ADGRL3: variants seen among roughly 807,000 people sequenced by gnomAD.
The protein encoded by ADGRL3 is adhesion G protein-coupled receptor L3, also known as calcium-independent alpha-latrotoxin receptor 3.
A neutral mutation model predicts 153.5 loss-of-function variants in ADGRL3; 62 were observed. The ratio of observed to expected loss-of-function variants is 0.40; its 90% CI spans 0.33 to 0.50. The LOEUF is 0.50. Ranked by LOEUF, ADGRL3 falls within the 20% of genes least tolerant of loss-of-function variation. The probability of loss-of-function intolerance (pLI) is 0.47; values close to 1 mark genes in which losing one functional copy is unlikely to be tolerated. For missense variants in ADGRL3, 1,641 were observed against 1,859.4 expected (o/e 0.88, Z 2.16); for synonymous variants, 710 against 672.5 (o/e 1.06, Z -0.86).
chr4:61,491,668 G>A (rs1044150332), intron 2 of ADGRL3, among the ~76,000 whole-genome samples: 10 of 151,896 alleles, frequency 6.6e-5, no homozygotes, highest in African/African-American at 2.4e-4. Flanking sequence ...AATATTCCCC[G>A]CTTGATATCC....
chr4:61,297,856 C>T (rs1431998443), intron 1 of ADGRL3, among the ~76,000 whole-genome samples: 1 of 152,104 alleles, frequency 6.6e-6, no homozygotes, highest in Non-Finnish European at 1.5e-5. Flanking sequence ...ATCACCATCA[C>T]CACTGCCACT....
intron 6 of ADGRL3, among the ~76,000 whole-genome samples, chr4:61,710,067 G>T (rs1210833149): frequency 4.6e-5 from 7 of 152,152 alleles, no homozygotes; most frequent in Non-Finnish European, 7.4e-5. Context: ...TTTAACAGAA[G>T]TTACTTTTAT....
chr4:61,960,278 T>C lies in ADGRL3; in HGVS notation c.2805+12002T>C, dbSNP rs539539799. Reference sequence around the variant, plus strand: ...TCCAAGTTCAGTATTAGGAGCAGAGTCCTGAAGGAAGTGAGAGAGTAGGCC... The same window carrying C: ...TCCAAGTTCAGTATTAGGAGCAGAGCCCTGAAGGAAGTGAGAGAGTAGGCC... On this transcript the variant is annotated intron_variant, in intron 17 of 26. Transcript: ENST00000683033. 9.9e-5 allele frequency among the ~76,000 whole-genome samples: 15 copies of C among 152,078 alleles called. No homozygotes were observed. In the South Asian group the frequency reaches 1.9e-3, roughly 19 times the overall value.
intron 6 of ADGRL3, among the ~76,000 whole-genome samples, chr4:61,682,853 G>A (rs1276907838): frequency 6.6e-6 from 1 of 152,012 alleles, no homozygotes. Context: ...ACCATCTATT[G>A]AGTACCTACT....
intron 11 of ADGRL3, among the ~76,000 whole-genome samples, chr4:61,897,298 A>T (rs942428871): frequency 3.3e-5 from 5 of 152,218 alleles, no homozygotes; most frequent in South Asian, 2.1e-4. Flanking sequence ...GGAACTTATT[A>T]AAAAAACCTT....
At chr4:62,010,673 C>T (rs180694539) in intron 21 of ADGRL3, among the ~76,000 whole-genome samples, 4 of 140,836 alleles carry the variant, frequency 2.8e-5, no homozygotes, top group Admixed American at 2.3e-4. Flanking sequence ...GCTATATCTA[C>T]GTAATGAAAA....
chr4:61,304,253 A>C (rs2094688955), intron 1 of ADGRL3, among the ~76,000 whole-genome samples: 1 of 152,174 alleles, frequency 6.6e-6, no homozygotes, highest in African/African-American at 2.4e-5. Context: ...TTTGTAGTGA[A>C]ATGCATTTGA....
chr4:61,249,564 C>G (rs1226863992), intron 1 of ADGRL3, among the ~76,000 whole-genome samples: 1 of 151,642 alleles, frequency 6.6e-6, no homozygotes, highest in Non-Finnish European at 1.5e-5. Flanking sequence ...AGGAAACAAA[C>G]AGAGTGACAA....
At chr4:61,315,274 C>G (rs1342185668) in intron 1 of ADGRL3, among the ~76,000 whole-genome samples, 2 of 152,160 alleles carry the variant, frequency 1.3e-5, no homozygotes, top group East Asian at 3.9e-4. Context: ...CATAGGTCCC[C>G]TTACTTACTT....
Position 61,256,663 on chromosome 4 carries a change from C to G in ADGRL3, c.-240+54898C>G, listed in dbSNP as rs1448962316. ...ACAGAAAGCGCATTTTCACTTTTGC[C>G]TTACGAATGATTCGCTTTATGTTAA... On this transcript the variant is annotated intron_variant, in intron 1 of 26. Transcript: ENST00000683033. Among the ~76,000 whole-genome samples the G allele has an allele frequency of 2.0e-5, 3 of 152,054 alleles. No homozygotes were observed. The East Asian group carries it at 5.8e-4, about 29-fold the overall frequency.
intron 13 of ADGRL3, among the ~76,000 whole-genome samples, chr4:61,913,575 TA>T (rs2098732024): frequency 6.6e-6 from 1 of 152,204 alleles, no homozygotes; most frequent in Non-Finnish European, 1.5e-5. Flanking sequence ...ATTGGCAGTT[TA>T]AAAACAAAAC....
intron 21 of ADGRL3, among the ~76,000 whole-genome samples, chr4:62,013,012 G>A (rs1315146069): frequency 6.6e-6 from 1 of 152,168 alleles, no homozygotes. Context: ...GCAGCAGCTG[G>A]GGATGAGTTT....
intron 4 of ADGRL3, among the ~76,000 whole-genome samples, chr4:61,558,943 A>T (rs2098782034): frequency 6.6e-6 from 1 of 151,958 alleles, no homozygotes. Flanking sequence ...TTTTTTCCTC[A>T]TTGGTAAATA....
At chr4:62,019,672 GTAAT>G (rs1380574217) in intron 21 of ADGRL3, among the ~76,000 whole-genome samples, 2 of 152,048 alleles carry the variant, frequency 1.3e-5, no homozygotes, top group African/African-American at 2.4e-5. Context: ...GAGCTCTTAA[GTAAT>G]TAATCAGGTC....
chr4:61,319,522 C>A (rs149642516), intron 1 of ADGRL3, among the ~76,000 whole-genome samples: 2,153 of 152,238 alleles, frequency 0.014, 27 homozygotes, highest in Middle Eastern at 0.041. Flanking sequence ...CCCTTTCCCT[C>A]ATGTGTTGCA....
At chr4:61,447,178 T>C (rs2097593630) in intron 2 of ADGRL3, among the ~76,000 whole-genome samples, 1 of 152,222 alleles carries the variant, frequency 6.6e-6, no homozygotes, top group African/African-American at 2.4e-5. Context: ...TGGCACTGGA[T>C]CTTTCATTTT....
intron 2 of ADGRL3, among the ~76,000 whole-genome samples, chr4:61,487,341 T>C (rs2098207287): frequency 6.6e-6 from 1 of 152,168 alleles, no homozygotes; most frequent in Non-Finnish European, 1.5e-5. Context: ...CCCTTCCTTA[T>C]GGAGTTTTTA....
intron 5 of ADGRL3, among the ~76,000 whole-genome samples, chr4:61,590,138 A>G (rs2098963516): frequency 6.6e-6 from 1 of 151,990 alleles, no homozygotes; most frequent in African/African-American, 2.4e-5. Context: ...TATCACCTAC[A>G]TTTCTCTTTA....
chr4:61,716,723 A>G (rs2096123951), intron 6 of ADGRL3, among the ~76,000 whole-genome samples: 2 of 152,168 alleles, frequency 1.3e-5, no homozygotes, highest in Admixed American at 6.5e-5. Context: ...AAGATTCATA[A>G]AAGACTGCCA....
Sources: gnomAD v4.1 joint callset for allele counts (sites outside exome capture counted in the v4.1 genomes callset) on GRCh38, gnomAD v4.1.1 for gene constraint, MANE v1.5 for transcripts, NCBI Gene and HGNC (gene_info 2026-07-23, HGNC 2026-07-21) for gene names.